Variants in ZNF225 observed in about 807,000 individuals in gnomAD.
ZNF225 encodes the protein zinc finger protein 225.
ZNF225 carries 6 observed loss-of-function variants against 12.0 expected under a neutral mutation model. The ratio of observed to expected loss-of-function variants is 0.50; its 90% confidence interval spans 0.27 to 0.98. The LOEUF is 0.98. Among genes scored for constraint, ZNF225 ranks in the 50% least tolerant of loss-of-function variants. ZNF225 has a pLI of 0.11. For synonymous variants in ZNF225, 271 were observed against 283.2 expected (o/e 0.96, Z 0.43); for missense variants, 763 against 848.2 (o/e 0.90, Z 1.25).
intron 4 of ZNF225, among the ~76,000 whole-genome samples, chr19:44,123,613 A>G (rs2147563084): frequency 6.6e-6 from 1 of 152,188 alleles, no homozygotes; most frequent in Non-Finnish European, 1.5e-5. Flanking sequence ...CTGGGAATCC[A>G]TCTGGTCCTG....
chr19:44,114,819 A>C (rs1249225404), intron 1 of ZNF225, among the ~76,000 whole-genome samples: 2 of 152,204 alleles, frequency 1.3e-5, no homozygotes, highest in Non-Finnish European at 2.9e-5. Context: ...CTGAAGTGGT[A>C]AATTTCTTAT....
rs200814845 is a variant in ZNF225 at position 44,132,304 on chromosome 19, G to A, written c.1690G>A (p.Gly564Arg). 107 of 1,613,862 alleles carry A rather than the reference G, an allele frequency of 6.6e-5. No homozygotes were observed. The highest frequency in any genetic ancestry group is 2.9e-4 in the African/African-American group (22 of 74,868). The change falls in exon 5 of 5, where the codon GGA becomes AGA. Residue 564 changes from glycine (G) to arginine (R), a missense_variant. Transcript: ENST00000262894. The stretch of plus-strand genomic sequence containing the variant: ...TGACATGCACCAGAGGGTCCACACC[G>A]GAGAGAGACCTTATAATTGTAAAGA... The part of the protein sequence containing the change: ...NLDMHQRVHT[G>R]ERPYNCKECG...
At chr19:44,119,072 TC>T (rs552012453) in intron 4 of ZNF225, among the ~76,000 whole-genome samples, 75 of 152,322 alleles carry the variant, frequency 4.9e-4, no homozygotes, top group African/African-American at 1.6e-3. Flanking sequence ...CGCCTTGGCC[TC>T]CCAAAGTGCT....
In ZNF225 at chr19:44,118,522, G is replaced by C. The variant is rs940180003; in HGVS notation, c.183G>C (p.Lys61Asn). 9 of 1,613,352 alleles carry C rather than the reference G, an allele frequency of 5.6e-6. No individual in the cohort carries two copies. The Admixed American group carries it at 1.3e-4, about 24-fold the overall frequency. Residue 61 changes from lysine (K) to asparagine (N), a missense_variant, in exon 4 of 5, where the codon AAG (lysine) becomes AAC (asparagine). Transcript: ENST00000262894. ...ACAGAGATACTTTCCACTTCCTAAA[G>C]GAAGAAAAGTTTTGGATGATGGAGA... ...SLHRDTFHFL[K>N]EEKFWMMETA...
chr19:44,127,671 G>A (rs1473547134), intron 4 of ZNF225, among the ~76,000 whole-genome samples: 2 of 151,362 alleles, frequency 1.3e-5, no homozygotes, highest in East Asian at 1.9e-4. Flanking sequence ...TTTTTGAGAC[G>A]GAGTCTGCCT....
chr19:44,120,901 CTCTTT>C (rs1374824934), intron 4 of ZNF225, among the ~76,000 whole-genome samples: 14 of 59,910 alleles, frequency 2.3e-4, no homozygotes, highest in Admixed American at 1.7e-3. Context: ...GTCCATTTCT[CTCTTT>C]TTTTTTTTTA....
Position 44,134,579 on chromosome 19 carries a change from C to T in ZNF225, c.*1844C>T, listed in dbSNP as rs2147586100. On this transcript the variant is annotated 3_prime_UTR_variant, in exon 5 of 5. Coordinates refer to ENST00000262894, the MANE Select transcript of ZNF225 (RefSeq NM_013362.4). ...TTTTGGTTTTTAACTGTCACCGATA[C>T]CAGAATAGCTCATCTCCAAGGTAAC... is the stretch of plus-strand genomic sequence containing the variant. 6.6e-6 allele frequency: 1 copy of T among 152,286 alleles called. No individual in the cohort carries two copies. The highest frequency in any genetic ancestry group is 3.4e-3 in the Middle Eastern group (1 of 294). 9.4% of individuals were successfully genotyped at this position (152,286 alleles called of 1,614,324 possible).
At chr19:44,124,069 G>T (rs1156996768) in intron 4 of ZNF225, among the ~76,000 whole-genome samples, 1 of 151,806 alleles carries the variant, frequency 6.6e-6, no homozygotes, top group African/African-American at 2.4e-5. Flanking sequence ...GGTTTGGTTT[G>T]TTCTTGTTTC....
chr19:44,125,384 G>A (rs1968129508), intron 4 of ZNF225, among the ~76,000 whole-genome samples: 2 of 152,166 alleles, frequency 1.3e-5, no homozygotes, highest in African/African-American at 4.8e-5. Flanking sequence ...TAGCTTGTAG[G>A]GTTTCTGTTG....
chr19:44,132,826 C>T lies in ZNF225; in HGVS notation c.*91C>T, dbSNP rs979713158. The T allele has an allele frequency of 8.2e-6, 9 of 1,094,332 alleles. No homozygotes were observed. The highest frequency in any genetic ancestry group is 8.0e-5 in the African/African-American group (5 of 62,520). The allele number at this position is 1,094,332 out of a possible 1,614,324, so 67.8% of individuals were successfully genotyped here. ...ATCAGTGTAATTAACATACCTATCA[C>T]CTCAAACATTTATCATTTATTTATG... On this transcript the variant is annotated 3_prime_UTR_variant, in exon 5 of 5. Transcript: ENST00000262894.
At chr19:44,112,377 A>G (rs1383635173), upstream of ZNF225, 3 of 152,184 alleles carry the variant, frequency 2.0e-5, no homozygotes, top group Admixed American at 6.5e-5. Context: ...CTTTTCATTA[A>G]AAAGAAAAGC....
chr19:44,118,954 A>T (rs111737857), intron 4 of ZNF225, among the ~76,000 whole-genome samples: 9 of 151,796 alleles, frequency 5.9e-5, no homozygotes, highest in African/African-American at 1.9e-4. Context: ...GTAGCTGGGA[A>T]TACAGATGCC....
chr19:44,118,159 A>T (rs552879055), intron 2 of ZNF225, 29 bp from the exon 3 acceptor site: 123 of 1,599,304 alleles, frequency 7.7e-5, no homozygotes, highest in Non-Finnish European at 9.8e-5. Context: ...TGGTCATGAG[A>T]CTGAGGTTGC....
chr19:44,125,786 T>C (rs2147566449), intron 4 of ZNF225, among the ~76,000 whole-genome samples: 1 of 152,322 alleles, frequency 6.6e-6, no homozygotes, highest in South Asian at 2.1e-4. Context: ...AGAACTTGTC[T>C]TCAAGCTCTG....
chr19:44,113,354 G>T (rs148885715), upstream of ZNF225: 1 of 151,852 alleles, frequency 6.6e-6, no homozygotes, highest in South Asian at 2.1e-4. Context: ...GGGTCGTCGC[G>T]GTCAGTTTGT....
At position 44,132,814 on chromosome 19, in the gene ZNF225, A is replaced by G. The variant is rs1412114884; in HGVS notation, c.*79A>G. 20 of 1,193,390 alleles carry G rather than the reference A, an allele frequency of 1.7e-5. No homozygotes were observed. The South Asian group carries it at 1.8e-4, about 11-fold the overall frequency. The allele number at this position is 1,193,390 out of a possible 1,614,324, so 73.9% of individuals were successfully genotyped here. A position where few individuals can be genotyped will look rare whatever the true frequency, so the allele number is the denominator to read the frequency against. On this transcript the variant is annotated 3_prime_UTR_variant, in exon 5 of 5. Coordinates refer to ENST00000262894, the MANE Select transcript of ZNF225 (RefSeq NM_013362.4). ...TGTAATGATCAAATCAGTGTAATTAACATACCTATCACCTCAAACATTTAT... is the reference window on the plus strand; with the variant it reads ...TGTAATGATCAAATCAGTGTAATTAGCATACCTATCACCTCAAACATTTAT...
At chr19:44,114,869 T>G (rs1227489420) in intron 1 of ZNF225, among the ~76,000 whole-genome samples, 1 of 152,222 alleles carries the variant, frequency 6.6e-6, no homozygotes, top group Non-Finnish European at 1.5e-5. Flanking sequence ...TGTCACTTCA[T>G]TGGTGATCTC....
At chr19:44,114,197 T>C in intron 1 of ZNF225, 3 of 1,043,262 alleles carry the variant, frequency 2.9e-6, no homozygotes, top group Non-Finnish European at 4.4e-6. Flanking sequence ...TCTTGGCTTC[T>C]GAGGGCAAAG....
Position 44,118,625 on chromosome 19 carries a change from C to T in ZNF225, c.235+51C>T, listed in dbSNP as rs116562158. 0.011 allele frequency: 16,998 copies of T among 1,546,818 alleles called. 1,290 individuals are homozygous for T. The African/African-American group carries it at 0.18, about 16-fold the overall frequency. The stretch of plus-strand genomic sequence containing the variant: ...TTGTGCGTGACTCTCCCATCGGTTT[C>T]ACTTCTGTCCATTGCCCAGCTCTGT... On this transcript the variant is annotated intron_variant, in intron 4 of 4. Coordinates refer to ENST00000262894, the MANE Select transcript of ZNF225 (RefSeq NM_013362.4).
Sources: gnomAD v4.1 joint callset for allele counts (sites outside exome capture counted in the v4.1 genomes callset) on GRCh38, gnomAD v4.1.1 for gene constraint, MANE v1.5 for transcripts, NCBI Gene and HGNC (gene_info 2026-07-23, HGNC 2026-07-21) for gene names.